Variants in RAB27A observed in about 807,000 individuals in gnomAD.
RAB27A encodes the protein RAB27A, member RAS oncogene family.
Under a neutral mutation model 20.8 loss-of-function variants are expected in RAB27A, and 17 were observed. The ratio of observed to expected loss-of-function variants is 0.82; its 90% CI spans 0.56 to 1.23. The LOEUF is 1.23. Ranked by LOEUF, RAB27A falls within the 50% of genes most tolerant of loss-of-function variation. The pLI, the probability that RAB27A is intolerant of heterozygous loss-of-function variation, is 0.00. For missense variants in RAB27A, 277 were observed against 266.7 expected (o/e 1.04, Z -0.27); for synonymous variants, 85 against 92.8 (o/e 0.92, Z 0.48).
intron 6 of RAB27A, among the ~76,000 whole-genome samples, chr15:55,206,893 G>T (rs1005178352): frequency 6.6e-6 from 1 of 152,076 alleles, no homozygotes; most frequent in African/African-American, 2.4e-5. Context: ...AAAGATGAGC[G>T]ACAGGCCGAA....
chr15:55,313,587 T>G (rs566660726), intron 2 of RAB27A, among the ~76,000 whole-genome samples: 1 of 152,162 alleles, frequency 6.6e-6, no homozygotes, highest in South Asian at 2.1e-4. Context: ...AAATTACCTA[T>G]GCTACGCCAG....
chr15:55,296,932 G>A (rs2054951878), intron 2 of RAB27A, among the ~76,000 whole-genome samples: 1 of 152,002 alleles, frequency 6.6e-6, no homozygotes, highest in African/African-American at 2.4e-5. Flanking sequence ...CCATATCCCA[G>A]GGCACTGTCA....
At chr15:55,258,043 G>A (rs1235328675) in intron 2 of RAB27A, among the ~76,000 whole-genome samples, 3 of 148,368 alleles carry the variant, frequency 2.0e-5, no homozygotes, top group East Asian at 3.9e-4. Context: ...CTCCAGCCTG[G>A]GCGATACAGC....
chr15:55,244,841 C>T (rs1157639337), intron 2 of RAB27A, among the ~76,000 whole-genome samples: 1 of 152,128 alleles, frequency 6.6e-6, no homozygotes, highest in Non-Finnish European at 1.5e-5. Context: ...AGAAAATGTT[C>T]ATATACAAAT....
intron 2 of RAB27A, among the ~76,000 whole-genome samples, chr15:55,248,465 T>A (rs761877272): frequency 6.6e-6 from 1 of 152,168 alleles, no homozygotes; most frequent in Non-Finnish European, 1.5e-5. Flanking sequence ...TCAACCCTCC[T>A]CAATAAATTC....
rs150275594 is a variant in RAB27A at position 55,236,689 on chromosome 15, A to G, written c.-22-1733T>C. On this transcript the variant is annotated intron_variant, in intron 2 of 6. Coordinates refer to ENST00000336787, the MANE Select transcript of RAB27A (RefSeq NM_183235.3). ...CCAACTAGAAATGGGATCTCTCTCC[A>G]GGGGAGGTTTACTTTTTCATTAAAA... Among the ~76,000 whole-genome samples the G allele has an allele frequency of 2.6e-5, 4 of 152,308 alleles. No homozygotes were observed. In the East Asian group the frequency reaches 7.7e-4, roughly 29 times the overall value.
At chr15:55,288,655 A>T (rs1898223537) in intron 1 of RAB27A, among the ~76,000 whole-genome samples, 1 of 152,182 alleles carries the variant, frequency 6.6e-6, no homozygotes, top group Non-Finnish European at 1.5e-5. Context: ...AGGAAGAAAA[A>T]AGTAGGAATG....
At chr15:55,266,602 T>C (rs1053708993) in intron 2 of RAB27A, among the ~76,000 whole-genome samples, 7 of 152,214 alleles carry the variant, frequency 4.6e-5, no homozygotes, top group African/African-American at 9.7e-5. Flanking sequence ...TTTGAGAAGA[T>C]GATAATTATT....
chr15:55,271,894 C>T (rs891438553), intron 1 of RAB27A, among the ~76,000 whole-genome samples: 2 of 152,168 alleles, frequency 1.3e-5, no homozygotes, highest in Non-Finnish European at 2.9e-5. Context: ...AGTCTGAGCA[C>T]AACCAGTCTG....
chr15:55,292,577 C>T (rs1297277440), upstream of RAB27A, among the ~76,000 whole-genome samples: 1 of 152,164 alleles, frequency 6.6e-6, no homozygotes, highest in Non-Finnish European at 1.5e-5. Flanking sequence ...GGCAGTAGTC[C>T]ATGGGGATGC....
chr15:55,237,150 T>C (rs1896292987), intron 2 of RAB27A, among the ~76,000 whole-genome samples: 2 of 152,326 alleles, frequency 1.3e-5, no homozygotes, highest in South Asian at 4.1e-4. Flanking sequence ...ACTCCCGGCG[T>C]TATCCCCTTT....
chr15:55,271,342 T>C (rs1008147384), intron 1 of RAB27A, among the ~76,000 whole-genome samples: 6 of 152,226 alleles, frequency 3.9e-5, no homozygotes, highest in Non-Finnish European at 8.8e-5. Context: ...ACCAGTATTA[T>C]AGCATCTTCT....
At chr15:55,206,517 T>A (rs1894659760) in intron 6 of RAB27A, among the ~76,000 whole-genome samples, 1 of 152,004 alleles carries the variant, frequency 6.6e-6, no homozygotes, top group African/African-American at 2.4e-5. Flanking sequence ...AATTATTGTA[T>A]TTTTTTGTAG....
intron 2 of RAB27A, among the ~76,000 whole-genome samples, chr15:55,236,779 G>T (rs570783832): frequency 6.6e-6 from 1 of 152,054 alleles, no homozygotes; most frequent in Non-Finnish European, 1.5e-5. Flanking sequence ...TACATGCATA[G>T]AATGTAATGA....
chr15:55,262,913 T>C (rs534303358), intron 2 of RAB27A, among the ~76,000 whole-genome samples: 25 of 152,284 alleles, frequency 1.6e-4, no homozygotes, highest in African/African-American at 5.8e-4. Context: ...TTGCTGTAGA[T>C]TTTTGGTACA....
chr15:55,243,780 T>C (rs1896584241), intron 2 of RAB27A, among the ~76,000 whole-genome samples: 1 of 152,176 alleles, frequency 6.6e-6, no homozygotes, highest in African/African-American at 2.4e-5. Context: ...TTATATTCAA[T>C]GTGGAAAATC....
At chr15:55,245,053 A>G (rs1168682194) in intron 2 of RAB27A, among the ~76,000 whole-genome samples, 2 of 152,202 alleles carry the variant, frequency 1.3e-5, no homozygotes, top group African/African-American at 4.8e-5. Flanking sequence ...GCAGGCTAGA[A>G]GAGGCATTTT....
intron 6 of RAB27A, among the ~76,000 whole-genome samples, chr15:55,208,354 G>A (rs558064439): frequency 9.8e-5 from 15 of 152,302 alleles, no homozygotes; most frequent in African/African-American, 2.4e-4. Context: ...AAAAGTAACC[G>A]AAAATTGTGG....
intron 1 of RAB27A, among the ~76,000 whole-genome samples, chr15:55,275,254 A>G (rs541348231): frequency 1.3e-5 from 2 of 151,778 alleles, no homozygotes; most frequent in South Asian, 4.2e-4. Context: ...TCCATCTAAC[A>G]ACAACAAAAA....
Sources: allele counts gnomAD v4.1 joint callset (sites outside exome capture counted in the v4.1 genomes callset), GRCh38; gene constraint gnomAD v4.1.1; transcripts MANE v1.5; gene names NCBI Gene and HGNC (gene_info 2026-07-23, HGNC 2026-07-21).